SHPK: variants seen among roughly 807,000 people sequenced by gnomAD.
The protein encoded by SHPK is sedoheptulokinase.
In SHPK, 51 loss-of-function variants were observed where a neutral mutation model predicts 46.3. The observed-to-expected ratio is 1.10, with a 90% CI of 0.88 to 1.39. The LOEUF (loss-of-function observed/expected upper bound fraction) is 1.39. Among genes scored for constraint, SHPK ranks in the 40% most tolerant of loss-of-function variants. SHPK has a pLI of 0.00. For synonymous variants in SHPK, 290 were observed against 273.9 expected (o/e 1.06, Z -0.58); for missense variants, 668 against 641.3 (o/e 1.04, Z -0.45).
Position 3,621,307 on chromosome 17 carries a change from C to T in SHPK, c.753G>A (p.Thr251=), listed in dbSNP as rs367715886. The T allele has an allele frequency of 9.3e-6, 15 of 1,614,022 alleles. No individual in the cohort carries two copies. The highest frequency in any genetic ancestry group is 2.2e-5 in the East Asian group (1 of 44,890). Residue 251 remains threonine (T), a synonymous_variant, in exon 5 of 7, where the codon ACG becomes ACA. Transcript: ENST00000225519. ...SHMWFEIPKG[T]QVGVALGDLQ... ...AATCACCCAAGGCCACTCCCACCTG[C>T]GTCCCCTTTGGGATTTCAAACCACA...
At position 3,636,248 on chromosome 17, in the gene SHPK, T is replaced by C. The variant is rs373899814; in HGVS notation, c.-29A>G. On this transcript the variant is annotated 5_prime_UTR_variant, in exon 1 of 7. Transcript: ENST00000225519. ...CTCCCTGACCCGCGCAGCTCCAGTC[T>C]GCAGCCAGCGGCCCCACAAGTCCGC... 6 of 1,572,614 alleles carry C rather than the reference T, an allele frequency of 3.8e-6. No individual in the cohort carries two copies. The highest frequency in any genetic ancestry group is 5.2e-6 in the Non-Finnish European group (6 of 1,155,426).
chr17:3,620,409 C>T (rs551530489), intron 5 of SHPK, among the ~76,000 whole-genome samples: 1 of 152,052 alleles, frequency 6.6e-6, no homozygotes, highest in African/African-American at 2.4e-5. Flanking sequence ...TACAGGCGCC[C>T]ATCACTATGC....
Position 3,636,151 on chromosome 17 carries a change from C to T in SHPK, c.69G>A (p.Arg23=), listed in dbSNP as rs1437641851. 3 of 1,612,092 alleles carry T rather than the reference C, an allele frequency of 1.9e-6. No homozygotes were observed. Among genetic ancestry groups the T allele is most frequent in the Non-Finnish European group, 2.5e-6 (3 of 1,179,138 alleles). Residue 23 remains arginine (R), a synonymous_variant, in exon 1 of 7, where the codon AGG becomes AGA. Coordinates refer to ENST00000225519, the MANE Select transcript of SHPK (RefSeq NM_013276.4). The part of the protein sequence containing the change: ...GTTSVKAALL[R]AAPDDPSGFA... ...ACCCGGATGGGTCGTCGGGCGCGGC[C>T]CTCAGCAGAGCTGCCTTCACAGATG... is the stretch of plus-strand genomic sequence containing the variant.
At chr17:3,611,062 C>T (rs974194707) in intron 6 of SHPK, 90 bp from the exon 7 acceptor site, 9 of 1,233,428 alleles carry the variant, frequency 7.3e-6, no homozygotes, top group East Asian at 2.4e-5. Context: ...GTGGGAACAG[C>T]GCTACTTGCT....
chr17:3,615,497 C>T lies in SHPK; in HGVS notation c.864G>A (p.Met288Ile). 6.2e-7 allele frequency: 1 copy of T among 1,614,162 alleles called. No homozygotes were observed. Among genetic ancestry groups the T allele is most frequent in the Non-Finnish European group, 8.5e-7 (1 of 1,180,028 alleles). ...ISTSVQLAAS[M>I]PSGFQPAQTP... ...TCTGTGCAGGCTGGAATCCTGAAGGCATGGAGGCTGCCAGCTGAACCGAGG... is the reference window on the plus strand; with the variant it reads ...TCTGTGCAGGCTGGAATCCTGAAGGTATGGAGGCTGCCAGCTGAACCGAGG... The change falls in exon 6 of 7, where the codon ATG becomes ATA. Residue 288 changes from methionine (M) to isoleucine (I), a missense_variant. Coordinates refer to ENST00000225519, the MANE Select transcript of SHPK (RefSeq NM_013276.4).
intron 2 of SHPK, among the ~76,000 whole-genome samples, chr17:3,624,488 A>G (rs1210071603): frequency 6.6e-6 from 1 of 151,736 alleles, no homozygotes; most frequent in African/African-American, 2.4e-5. Context: ...TTTGAAGTTG[A>G]TATCATATCT....
intron 1 of SHPK, among the ~76,000 whole-genome samples, chr17:3,631,484 C>CAAA (rs2075471359): frequency 1.9e-5 from 2 of 104,796 alleles, no homozygotes; most frequent in Admixed American, 2.5e-4. Flanking sequence ...TTTAGTATGA[C>CAAA]AAAAAATATA....
chr17:3,628,107 T>C (rs896672711), intron 2 of SHPK, among the ~76,000 whole-genome samples: 1 of 152,008 alleles, frequency 6.6e-6, no homozygotes, highest in African/African-American at 2.4e-5. Context: ...CACCGTGCAC[T>C]TCAGGGCACT....
chr17:3,622,672 C>T (rs1375297987), intron 4 of SHPK: 3 of 705,406 alleles, frequency 4.3e-6, no homozygotes, highest in Non-Finnish European at 5.2e-6. Flanking sequence ...ACTTAAAAGG[C>T]ATCCTTCAAG....
chr17:3,628,505 T>G (rs1391320522), intron 2 of SHPK, among the ~76,000 whole-genome samples: 1 of 151,948 alleles, frequency 6.6e-6, no homozygotes, highest in Non-Finnish European at 1.5e-5. Context: ...GTATTTTTAG[T>G]AGAGATGGGG....
chr17:3,610,732 C>T lies in SHPK; in HGVS notation c.1265G>A (p.Trp422Ter), dbSNP rs770640488. ...ACTGCCCATCACCCTCTCCACGCCC[C>T]ACTCCTGGAGCTGCTGAATCGGAAG... is the stretch of plus-strand genomic sequence containing the variant. ...SMLPIQQLQE[W>*]GVERVMGSGS... Residue 422 changes from tryptophan (W) to a stop codon, truncating the protein, a stop_gained, in exon 7 of 7, where the codon TGG becomes TAG. Coordinates refer to ENST00000225519, the MANE Select transcript of SHPK (RefSeq NM_013276.4). LOFTEE classifies it high-confidence loss of function. 2.5e-6 allele frequency: 4 copies of T among 1,614,160 alleles called. No homozygotes were observed. The highest frequency in any genetic ancestry group is 4.5e-5 in the East Asian group (2 of 44,876).
intron 4 of SHPK, among the ~76,000 whole-genome samples, chr17:3,621,734 C>A (rs1242958663): frequency 6.6e-6 from 1 of 151,702 alleles, no homozygotes; most frequent in African/African-American, 2.4e-5. Context: ...CTCACTGCAA[C>A]CTCCACCTCC....
rs3842384 is a variant in SHPK, at chr17:3,631,070, CT to C, written c.169-725del. On this transcript the variant is annotated intron_variant, in intron 1 of 6. Coordinates refer to ENST00000225519, the MANE Select transcript of SHPK (RefSeq NM_013276.4). ...TCCTCGGAAAACCTCTCGCTTGCCC[CT>C]GTCAGCCTGCGGCCTTGGTCAGGGG... 3.8e-3 allele frequency among the ~76,000 whole-genome samples: 574 copies of C among 152,212 alleles called. 20 individuals carry two copies. The East Asian group carries it at 0.064, about 17-fold the overall frequency.
intron 1 of SHPK, among the ~76,000 whole-genome samples, chr17:3,632,087 C>G (rs935331897): frequency 5.3e-5 from 8 of 151,336 alleles, no homozygotes; most frequent in Admixed American, 4.0e-4. Flanking sequence ...CTCCCAAGTA[C>G]CTGGGACTAT....
intron 2 of SHPK, among the ~76,000 whole-genome samples, 175 bp downstream of exon 2, chr17:3,630,030 A>G (rs2075460748): frequency 1.3e-5 from 2 of 152,136 alleles, no homozygotes; most frequent in African/African-American, 2.4e-5. Context: ...TTCACCTAAC[A>G]TTGGTACAGA....
chr17:3,626,831 G>GT (rs2075441437), intron 2 of SHPK, among the ~76,000 whole-genome samples: 1 of 151,828 alleles, frequency 6.6e-6, no homozygotes, highest in Admixed American at 6.6e-5. Context: ...GGAGGCAGAG[G>GT]TTGCAGTGAG....
intron 2 of SHPK, among the ~76,000 whole-genome samples, chr17:3,628,263 A>G (rs1413053619): frequency 6.6e-6 from 1 of 151,924 alleles, no homozygotes; most frequent in Non-Finnish European, 1.5e-5. Context: ...AGTGATGGGT[A>G]TATGCTGTTC....
intron 1 of SHPK, among the ~76,000 whole-genome samples, chr17:3,635,240 A>AGGAAGGAAGGAAGGAAG (rs1555556012): frequency 0.07 from 9,710 of 138,738 alleles, 451 homozygotes; most frequent in East Asian, 0.13. Context: ...GAAGGAAGGA[A>AGGAAGGAAGGAAGGAAG]GGAAGGGAAG....
intron 2 of SHPK, among the ~76,000 whole-genome samples, chr17:3,627,502 A>T (rs998647956): frequency 6.6e-6 from 1 of 152,104 alleles, no homozygotes; most frequent in Non-Finnish European, 1.5e-5. Flanking sequence ...TATAGGTTGT[A>T]GGTAGGAAAA....
Sources: gnomAD v4.1 joint callset for allele counts (sites outside exome capture counted in the v4.1 genomes callset) on GRCh38, gnomAD v4.1.1 for gene constraint, MANE v1.5 for transcripts, NCBI Gene and HGNC (gene_info 2026-07-23, HGNC 2026-07-21) for gene names.